MSH5: variants seen among roughly 807,000 people sequenced by gnomAD.
The protein encoded by MSH5 is mutS protein homolog 5.
In MSH5, 78 loss-of-function variants were observed where a neutral mutation model predicts 107.7. The observed-to-expected ratio is 0.72, with a 90% CI of 0.60 to 0.87. The LOEUF (loss-of-function observed/expected upper bound fraction) is 0.87. Ranked by LOEUF, MSH5 falls within the 40% of genes least tolerant of loss-of-function variation. The probability of loss-of-function intolerance (pLI) is 0.00; values close to 1 mark genes in which losing one functional copy is unlikely to be tolerated. For synonymous variants in MSH5, 326 were observed against 399.5 expected (o/e 0.82, Z 2.19); for missense variants, 889 against 1,046.6 (o/e 0.85, Z 2.08).
In MSH5 at chr6:31,761,822, T is replaced by C. The variant is rs748578129; in HGVS notation, c.2186T>C (p.Met729Thr). The change falls in exon 23 of 25, where the codon ATG becomes ACG. Residue 729 changes from methionine to threonine, a missense_variant. Transcript: ENST00000375750. This position sits in a 1 kb window ranked among gnomAD's most constrained non-coding sequence, Gnocchi z 5.3. ...TGTCTTTTATTCTCTTTTAAGACCATGGAGACCTGTGAGGATGGCAACGAT... is the reference window on the plus strand; with the variant it reads ...TGTCTTTTATTCTCTTTTAAGACCACGGAGACCTGTGAGGATGGCAACGAT... ...PQGPLVQYLT[M>T]ETCEDGNDLV... 3 of 1,613,080 alleles carry C rather than the reference T, an allele frequency of 1.9e-6. No individual in the cohort carries two copies. The highest frequency in any genetic ancestry group is 1.3e-5 in the African/African-American group (1 of 75,044).
At position 31,759,944 on chromosome 6, in the gene MSH5, C is replaced by A. The variant is rs1326460511; in HGVS notation, c.1654C>A (p.Gln552Lys). The change falls in exon 18 of 25, where the codon CAA (glutamine) becomes AAA (lysine). Residue 552 changes from glutamine to lysine, a missense_variant. Around this residue, in one of 3 missense-constraint regions of MSH5, gnomAD observed 362 missense variants for 456.2 expected, o/e 0.79. Coordinates refer to ENST00000375750, the MANE Select transcript of MSH5 (RefSeq NM_172166.4). The surrounding 1 kb of genome is among the most constrained non-coding windows in gnomAD (Gnocchi z 4.7). ...CTACTCAAGGCCGCGTTACTCCCCA[C>A]AAGTCCTTGGGGTACGAATCCAGAA... ...YGYSRPRYSP[Q>K]VLGVRIQNGR... 9.3e-6 allele frequency: 15 copies of A among 1,614,224 alleles called. No homozygotes were observed. The highest frequency in any genetic ancestry group is 1.3e-5 in the African/African-American group (1 of 75,060).
chr6:31,761,084 G>A lies in MSH5; in HGVS notation c.1963-104G>A. On this transcript the variant is annotated intron_variant, in intron 20 of 24. Transcript: ENST00000375750. This position sits in a 1 kb window ranked among gnomAD's most constrained non-coding sequence, Gnocchi z 5.3. ...ACCTCACCATTCAAGAACTTGCAGT[G>A]CAGTAGGGAGGGCATGTATACAGCT... 8.6e-7 allele frequency: 1 copy of A among 1,165,390 alleles called. No individual in the cohort carries two copies. The highest frequency in any genetic ancestry group is 1.2e-6 in the Non-Finnish European group (1 of 804,428). The allele number at this position is 1,165,390 out of a possible 1,614,324, so 72.2% of individuals were successfully genotyped here. A position where few individuals can be genotyped will look rare whatever the true frequency, so the allele number is the denominator to read the frequency against.
chr6:31,742,538 A>C (rs1280540158), intron 3 of MSH5, among the ~76,000 whole-genome samples: 1 of 152,224 alleles, frequency 6.6e-6, no homozygotes, highest in Admixed American at 6.5e-5. Context: ...GATTATAGGC[A>C]TGAGCCACTG....
In MSH5 at chr6:31,753,637, C is replaced by G; in HGVS notation, c.1014+8C>G. 6.2e-7 allele frequency: 1 copy of G among 1,614,024 alleles called. No homozygotes were observed. Among genetic ancestry groups the G allele is most frequent in the Non-Finnish European group, 8.5e-7 (1 of 1,179,914 alleles). On this transcript the variant is annotated splice_region_variant and intron_variant, in intron 12 of 24. Coordinates refer to ENST00000375750, the MANE Select transcript of MSH5 (RefSeq NM_172166.4). ...TGGCAGGTTCTCTACAAGGTAAGGC[C>G]TTCCTTCTTGAATCCCAAAAGTCCA...
At position 31,757,707 on chromosome 6, in the gene MSH5, C is replaced by T. The variant is rs145074509; in HGVS notation, c.1015-458C>T. The T allele has an allele frequency of 9.4e-4, 165 of 176,422 alleles. 1 individual carries two copies. The highest frequency in any genetic ancestry group is 3.6e-3 in the African/African-American group (154 of 42,320). The allele number at this position is 176,422 out of a possible 1,614,324, so 10.9% of individuals were successfully genotyped here. On this transcript the variant is annotated intron_variant, in intron 12 of 24. Transcript: ENST00000375750. ...TGTTTTGTTTTGAGACAGAGTCTCGCTCTGTCGGCCAGGCTGGAGTGCAAT... is the reference window on the plus strand; with the variant it reads ...TGTTTTGTTTTGAGACAGAGTCTCGTTCTGTCGGCCAGGCTGGAGTGCAAT...
chr6:31,741,370 C>T, intron 3 of MSH5, 84 bp downstream of exon 3: 2 of 1,000,248 alleles, frequency 2.0e-6, no homozygotes, highest in Non-Finnish European at 1.4e-6. Context: ...CACACACACA[C>T]ACACACACAC....
chr6:31,743,157 A>G lies in MSH5; in HGVS notation c.402A>G (p.Pro134=). 6.2e-7 allele frequency: 1 copy of G among 1,612,894 alleles called. No individual in the cohort carries two copies. The highest frequency in any genetic ancestry group is 8.5e-7 in the Non-Finnish European group (1 of 1,179,900). ...EPKRPEIIFL[P]SVDFGLEISK... ...AAAGACCTGAAATCATATTTTTGCC[A>G]AGTGTGGATTTTGGTATCTCCTTCC... The change falls in exon 5 of 25, where the codon CCA becomes CCG. Residue 134 remains proline (P), a synonymous_variant. Transcript: ENST00000375750.
intron 3 of MSH5, among the ~76,000 whole-genome samples, chr6:31,742,252 G>C (rs11758142): frequency 2.6e-5 from 4 of 151,980 alleles, no homozygotes; most frequent in African/African-American, 9.7e-5. Flanking sequence ...GCTGTTTTTT[G>C]GTTTGTTTGG....
chr6:31,761,295 A>G lies in MSH5; in HGVS notation c.2037+33A>G. 1 of 1,611,878 alleles carries G rather than the reference A, an allele frequency of 6.2e-7. No individual in the cohort carries two copies. Among genetic ancestry groups the G allele is most frequent in the Non-Finnish European group, 8.5e-7 (1 of 1,178,922 alleles). ...GAGAAACTGATGAGGGGAGAAACTA[A>G]GGAGGGGAAAATGGAGGAGGATGAA... is the stretch of plus-strand genomic sequence containing the variant. On this transcript the variant is annotated intron_variant, in intron 21 of 24. Transcript: ENST00000375750. This position sits in a 1 kb window ranked among gnomAD's most constrained non-coding sequence, Gnocchi z 5.3.
At chr6:31,741,343 AC>A in intron 3 of MSH5, 57 bp downstream of exon 3, 1 of 423,142 alleles carries the variant, frequency 2.4e-6, no homozygotes, top group East Asian at 5.1e-5. Flanking sequence ...TGTTACACAC[AC>A]ACACACACAC....
chr6:31,760,793 A>G lies in MSH5; in HGVS notation c.1916A>G (p.Glu639Gly). 1.9e-6 allele frequency: 3 copies of G among 1,612,980 alleles called. No homozygotes were observed. The highest frequency in any genetic ancestry group is 2.5e-6 in the Non-Finnish European group (3 of 1,180,032). Reference sequence around the variant, plus strand: ...ATCTTCACACGAATTCATAGCTGCGAATCCATCTCCCTTGGCCTCTCCACC... The same window carrying G: ...ATCTTCACACGAATTCATAGCTGCGGATCCATCTCCCTTGGCCTCTCCACC... ...DAIFTRIHSC[E>G]SISLGLSTFM... is the part of the protein sequence containing the mutation. Residue 639 changes from glutamate to glycine, a missense_variant, in exon 20 of 25, where the codon GAA (glutamate) becomes GGA (glycine). Physicochemically the swap from Glu to Gly is moderately conservative, Grantham distance 98. Around this residue, in one of 3 missense-constraint regions of MSH5, gnomAD observed 362 missense variants for 456.2 expected, o/e 0.79. Transcript: ENST00000375750. The surrounding 1 kb of genome is among the most constrained non-coding windows in gnomAD (Gnocchi z 5.6).
intron 3 of MSH5, 54 bp downstream of exon 3, chr6:31,741,340 CA>C: frequency 1.6e-5 from 2 of 123,884 alleles, no homozygotes; most frequent in Non-Finnish European, 1.1e-5. Context: ...ATGTGTTACA[CA>C]CACACACACA....
At position 31,761,913 on chromosome 6, in the gene MSH5, C is replaced by T; in HGVS notation, c.2277C>T (p.Ala759=). Residue 759 remains alanine (A), a synonymous_variant, in exon 23 of 25, where the codon GCC becomes GCT. Coordinates refer to ENST00000375750, the MANE Select transcript of MSH5 (RefSeq NM_172166.4). The surrounding 1 kb of genome is among the most constrained non-coding windows in gnomAD (Gnocchi z 5.3). ...CCAGCCATGCCTCCCACACAGCTGC[C>T]CAGGCTGGGCTTCCTGACAAGCTTG... The part of the protein sequence containing the change: ...AKASHASHTA[A]QAGLPDKLVA... 1 of 1,613,732 alleles carries T rather than the reference C, an allele frequency of 6.2e-7. No homozygotes were observed. The highest frequency in any genetic ancestry group is 1.1e-5 in the South Asian group (1 of 91,086).
intron 2 of MSH5, 96 bp from the exon 3 acceptor site, chr6:31,741,067 A>G (rs1198595329): frequency 1.3e-6 from 2 of 1,482,886 alleles, no homozygotes; most frequent in Non-Finnish European, 1.8e-6. Context: ...TGCCTATCTC[A>G]GAGATTTGAG....
In MSH5 at chr6:31,759,582, G is replaced by T. The variant is rs1166677558; in HGVS notation, c.1495+70G>T. On this transcript the variant is annotated intron_variant, in intron 17 of 24. Transcript: ENST00000375750. The surrounding 1 kb of genome is among the most constrained non-coding windows in gnomAD (Gnocchi z 4.7). ...AAAGCAGCAGCCAGGGGAAGGAGGG[G>T]AGTGGGCAACTTGGGGATGCTTCCA... is the stretch of plus-strand genomic sequence containing the variant. 1.3e-6 allele frequency: 2 copies of T among 1,512,356 alleles called. No homozygotes were observed. Among genetic ancestry groups the T allele is most frequent in the Non-Finnish European group, 1.8e-6 (2 of 1,096,206 alleles). 93.7% of individuals were successfully genotyped at this position (1,512,356 alleles called of 1,614,324 possible).
At chr6:31,752,908 C>A (rs1810095791) in intron 10 of MSH5, among the ~76,000 whole-genome samples, 1 of 152,160 alleles carries the variant, frequency 6.6e-6, no homozygotes, top group Admixed American at 6.6e-5. Context: ...GAGACACTTT[C>A]ACAGCTAAAA....
chr6:31,750,175 A>G (rs1378638323), intron 10 of MSH5, among the ~76,000 whole-genome samples: 1 of 152,174 alleles, frequency 6.6e-6, no homozygotes, highest in Non-Finnish European at 1.5e-5. Context: ...TCATCATATA[A>G]TCTAATGAAC....
rs1444725613 is a variant in MSH5 at position 31,741,170 on chromosome 6, T to A, written c.155T>A (p.Leu52Gln). 6.2e-7 allele frequency: 1 copy of A among 1,613,026 alleles called. No individual in the cohort carries two copies. Among genetic ancestry groups the A allele is most frequent in the East Asian group, 2.2e-5 (1 of 44,886 alleles). Residue 52 changes from leucine (L) to glutamine (Q), a missense_variant, in exon 3 of 25, where the codon CTG becomes CAG. Around this residue, in one of 3 missense-constraint regions of MSH5, gnomAD observed 518 missense variants for 565.0 expected, o/e 0.92. Coordinates refer to ENST00000375750, the MANE Select transcript of MSH5 (RefSeq NM_172166.4). ...TTCTTCCTTGCTGGACAGATCCATC[T>A]GTGTGTGCTGTGGAATTCAGGATAC... ...EEEEELAEIH[L>Q]CVLWNSGYLG...
chr6:31,741,951 C>T (rs368066131), intron 3 of MSH5, among the ~76,000 whole-genome samples: 4 of 151,878 alleles, frequency 2.6e-5, no homozygotes, highest in East Asian at 1.9e-4. Context: ...TTTTGACAAC[C>T]AGCTCTCTCA....
Sources: allele counts gnomAD v4.1 joint callset (sites outside exome capture counted in the v4.1 genomes callset), GRCh38; gene constraint gnomAD v4.1.1; regional missense constraint gnomAD v4.1.1; non-coding constraint Gnocchi (gnomAD v3.1); transcripts MANE v1.5; gene names NCBI Gene and HGNC (gene_info 2026-07-23, HGNC 2026-07-21).